SLC39A12: variants seen among roughly 807,000 people sequenced by gnomAD.
SLC39A12 encodes the protein solute carrier family 39 member 12, also known as zinc transporter ZIP12.
In SLC39A12, 63 loss-of-function variants were observed where a neutral mutation model predicts 71.1. The observed-to-expected ratio is 0.89, with a 90% CI of 0.72 to 1.09. The LOEUF (loss-of-function observed/expected upper bound fraction) is 1.09, where lower values mean the gene tolerates loss of function less well. SLC39A12 is among the 50% of genes least tolerant of loss of function. The pLI, the probability that SLC39A12 is intolerant of heterozygous loss-of-function variation, is 0.00. For missense variants in SLC39A12, 892 were observed against 812.6 expected (o/e 1.10, Z -1.19); for synonymous variants, 351 against 301.3 (o/e 1.16, Z -1.71).
intron 12 of SLC39A12, among the ~76,000 whole-genome samples, chr10:18,039,320 T>C (rs1040650683): frequency 6.6e-6 from 1 of 152,218 alleles, no homozygotes; most frequent in Non-Finnish European, 1.5e-5. Flanking sequence ...GATGGTATGA[T>C]TGTGTCTCAC....
rs757568527 is a variant in SLC39A12, at chr10:17,981,433, G to T, written c.1046G>T (p.Cys349Phe). ...ATCCAGCAGCTCCTCAGCTGCTCCTGCCACTTACCCAAGGACCAACAAGCA... is the reference window on the plus strand; with the variant it reads ...ATCCAGCAGCTCCTCAGCTGCTCCTTCCACTTACCCAAGGACCAACAAGCA... ...GIIQQLLSCSCHLPKDQQAKL... is the reference protein window; with the variant it reads ...GIIQQLLSCSFHLPKDQQAKL... Residue 349 changes from cysteine (C) to phenylalanine (F), a missense_variant, in exon 6 of 13, where the codon TGC becomes TTC. Transcript: ENST00000377369. 2.5e-6 allele frequency: 4 copies of T among 1,613,740 alleles called. No individual in the cohort carries two copies. Among genetic ancestry groups the T allele is most frequent in the Admixed American group, 3.3e-5 (2 of 59,986 alleles).
At chr10:17,990,537 A>G (rs1422743183) in intron 7 of SLC39A12, among the ~76,000 whole-genome samples, 1 of 152,132 alleles carries the variant, frequency 6.6e-6, no homozygotes, top group Non-Finnish European at 1.5e-5. Context: ...AGGTTGACCA[A>G]TGGAATGACT....
intron 12 of SLC39A12, among the ~76,000 whole-genome samples, chr10:18,024,470 G>T (rs1224749387): frequency 6.6e-6 from 1 of 152,124 alleles, no homozygotes; most frequent in Non-Finnish European, 1.5e-5. Flanking sequence ...TGGATACCCT[G>T]CCTTGGGTCC....
chr10:18,031,096 C>T (rs1453781217), intron 12 of SLC39A12, among the ~76,000 whole-genome samples: 27 of 146,900 alleles, frequency 1.8e-4, no homozygotes, highest in Admixed American at 5.5e-4. Flanking sequence ...TGAATAATGC[C>T]GCAATAAACA....
At position 17,992,733 on chromosome 10, in the gene SLC39A12, C is replaced by T. The variant is rs76144211; in HGVS notation, c.1423-448C>T. Among the ~76,000 whole-genome samples, 360 of 152,164 alleles carry T rather than the reference C, an allele frequency of 2.4e-3. 1 individual carries two copies. The highest frequency in any genetic ancestry group is 8.2e-3 in the African/African-American group (339 of 41,510). ...TTATTCAGATTGTTTATGGGCTTGTCAGGGAACTTAAAATGAGTTTTAAGA... is the reference window on the plus strand; with the variant it reads ...TTATTCAGATTGTTTATGGGCTTGTTAGGGAACTTAAAATGAGTTTTAAGA... On this transcript the variant is annotated intron_variant, in intron 8 of 12. Coordinates refer to ENST00000377369, the MANE Select transcript of SLC39A12 (RefSeq NM_001145195.2).
At chr10:17,970,104 G>C (rs1386341982) in intron 4 of SLC39A12, among the ~76,000 whole-genome samples, 1 of 152,060 alleles carries the variant, frequency 6.6e-6, no homozygotes, top group Non-Finnish European at 1.5e-5. Context: ...CTTTAGGTGT[G>C]TGTATTTGTT....
intron 4 of SLC39A12, among the ~76,000 whole-genome samples, chr10:17,972,134 A>G (rs1393540873): frequency 4.0e-4 from 61 of 152,162 alleles, no homozygotes; most frequent in Admixed American, 4.0e-3. Flanking sequence ...ATATTTGCAT[A>G]GTTTTCAAAA....
intron 7 of SLC39A12, among the ~76,000 whole-genome samples, chr10:17,987,874 A>G (rs548111089): frequency 6.6e-6 from 1 of 152,232 alleles, no homozygotes; most frequent in East Asian, 1.9e-4. Context: ...TATTTTTGAA[A>G]TAAAACAAAG....
At chr10:18,001,925 A>ATTTT (rs56355548) in intron 11 of SLC39A12, 1 of 134,196 alleles carries the variant, frequency 7.5e-6, no homozygotes, top group Non-Finnish European at 1.6e-5. Context: ...TATTCATTCT[A>ATTTT]TTTTTTTTTT....
intron 10 of SLC39A12, among the ~76,000 whole-genome samples, chr10:17,996,622 T>G (rs532262233): frequency 2.6e-5 from 4 of 152,172 alleles, no homozygotes; most frequent in African/African-American, 7.2e-5. Flanking sequence ...ATTATACAAA[T>G]GAAGAAAATA....
At chr10:17,992,025 G>C (rs544139827) in intron 8 of SLC39A12, among the ~76,000 whole-genome samples, 19 of 147,180 alleles carry the variant, frequency 1.3e-4, no homozygotes, top group South Asian at 6.5e-4. Flanking sequence ...AGAGGTAGAG[G>C]TTGCAGTGAG....
intron 3 of SLC39A12, among the ~76,000 whole-genome samples, chr10:17,965,189 A>G (rs955958946): frequency 2.6e-5 from 4 of 152,072 alleles, no homozygotes; most frequent in African/African-American, 9.7e-5. Context: ...CCTGGGCAGC[A>G]AGAGCTAAAC....
intron 4 of SLC39A12, among the ~76,000 whole-genome samples, chr10:17,967,985 C>T (rs1455869048): frequency 6.6e-6 from 1 of 150,724 alleles, no homozygotes; most frequent in African/African-American, 2.4e-5. Flanking sequence ...ATGCCTTTAA[C>T]ATAGGTATAA....
At chr10:17,961,506 T>C in intron 2 of SLC39A12, 75 bp from the exon 3 acceptor site, 2 of 1,389,572 alleles carry the variant, frequency 1.4e-6, no homozygotes. Context: ...ATGAAGACCC[T>C]GGTGGTCATT....
At chr10:17,999,420 A>G (rs980274073) in intron 10 of SLC39A12, among the ~76,000 whole-genome samples, 2 of 152,082 alleles carry the variant, frequency 1.3e-5, no homozygotes, top group African/African-American at 4.8e-5. Flanking sequence ...TTAGACTATG[A>G]CAATTGATTA....
chr10:17,959,743 G>A (rs1834638773), intron 2 of SLC39A12, among the ~76,000 whole-genome samples: 1 of 152,150 alleles, frequency 6.6e-6, no homozygotes, highest in South Asian at 2.1e-4. Context: ...CAATTCCTGT[G>A]TCTTTTTCTC....
At chr10:17,958,940 ATTACT>A (rs1237134596) in intron 2 of SLC39A12, among the ~76,000 whole-genome samples, 2 of 152,160 alleles carry the variant, frequency 1.3e-5, no homozygotes, top group Non-Finnish European at 2.9e-5. Context: ...TAAAAAATTC[ATTACT>A]TTATGCATTT....
At chr10:18,040,917 C>G (rs2130911526) in intron 12 of SLC39A12, among the ~76,000 whole-genome samples, 1 of 151,958 alleles carries the variant, frequency 6.6e-6, no homozygotes, top group Non-Finnish European at 1.5e-5. Context: ...TGTCTGGAGG[C>G]ATTTTTGCTT....
chr10:17,972,267 T>A (rs1834994570), intron 4 of SLC39A12, among the ~76,000 whole-genome samples: 1 of 152,228 alleles, frequency 6.6e-6, no homozygotes, highest in Non-Finnish European at 1.5e-5. Flanking sequence ...GGTCTGTCCT[T>A]GAGAATCACC....
Sources: allele counts gnomAD v4.1 joint callset (sites outside exome capture counted in the v4.1 genomes callset), GRCh38; gene constraint gnomAD v4.1.1; transcripts MANE v1.5; gene names NCBI Gene and HGNC (gene_info 2026-07-23, HGNC 2026-07-21).